TSHZ3: variants seen among roughly 807,000 people sequenced by gnomAD.
The protein encoded by TSHZ3 is teashirt homolog 3.
TSHZ3 carries 10 observed loss-of-function variants against 64.5 expected under a neutral mutation model. The ratio of observed to expected loss-of-function variants is 0.16; its 90% CI spans 0.10 to 0.26. The LOEUF (loss-of-function observed/expected upper bound fraction) is 0.26, where lower values mean the gene tolerates loss of function less well. Among genes scored for constraint, TSHZ3 ranks in the 10% least tolerant of loss-of-function variants. The pLI is 1.00. For synonymous variants in TSHZ3, 608 were observed against 593.1 expected (o/e 1.03, Z -0.36); for missense variants, 1,242 against 1,421.7 (o/e 0.87, Z 2.03).
In TSHZ3 at chr19:31,192,108, A is replaced by G. The variant is rs569894294; in HGVS notation, n.809+12848T>C. The stretch of plus-strand genomic sequence containing the variant: ...CTGAAACAAGTTGAGAATACATAAT[A>G]TAATTCCTAGATCAGCTTCTAAAAT... On this transcript the variant is annotated intron_variant and non_coding_transcript_variant, in intron 5 of 6. Coordinates refer to the TSHZ3 transcript ENST00000651361. 1.4e-3 allele frequency among the ~76,000 whole-genome samples: 213 copies of G among 152,318 alleles called. 1 individual carries two copies. Among genetic ancestry groups the G allele is most frequent in the Non-Finnish European group, 2.4e-3 (160 of 68,024 alleles).
At chr19:31,226,978 T>TTTTTTTTTTTTTC (rs1975473904) in intron 4 of TSHZ3, among the ~76,000 whole-genome samples, 1 of 33,680 alleles carries the variant, frequency 3.0e-5, no homozygotes, top group Non-Finnish European at 6.2e-5. Flanking sequence ...TCTTTCTTTC[T>TTTTTTTTTTTTTC]TTTTTTTTTT....
rs536503836 is a variant in TSHZ3 at position 31,178,290 on chromosome 19, T to C, written n.810-21873A>G. On this transcript the variant is annotated intron_variant and non_coding_transcript_variant, in intron 5 of 6. Transcript: ENST00000651361. ...TGGCTACTGGGACTAGCTGGAGTGA[T>C]AATAGTATTCAGGGCAAATGTCAGT... Among the ~76,000 whole-genome samples, 25 of 152,302 alleles carry C rather than the reference T, an allele frequency of 1.6e-4. 3 individuals are homozygous for C. The highest frequency in any genetic ancestry group is 5.8e-4 in the African/African-American group (24 of 41,566).
chr19:31,160,735 T>TAC (rs748252113), intron 5 of TSHZ3, among the ~76,000 whole-genome samples: 1 of 151,604 alleles, frequency 6.6e-6, no homozygotes, highest in African/African-American at 2.4e-5. Flanking sequence ...CACACACGTA[T>TAC]ACACACACAC....
chr19:31,291,786 CTG>C (rs2145130476), intron 1 of TSHZ3, among the ~76,000 whole-genome samples: 1 of 152,330 alleles, frequency 6.6e-6, no homozygotes, highest in South Asian at 2.1e-4. Context: ...TACACTCACT[CTG>C]TGTGCCCTGG....
intron 6 of TSHZ3, among the ~76,000 whole-genome samples, chr19:31,155,690 C>T (rs566021640): frequency 1.3e-5 from 2 of 152,308 alleles, no homozygotes; most frequent in African/African-American, 2.4e-5. Context: ...CTTTCAGACA[C>T]ACACCCAAGT....
intron 5 of TSHZ3, among the ~76,000 whole-genome samples, chr19:31,185,379 C>G (rs1974789727): frequency 6.6e-6 from 1 of 152,204 alleles, no homozygotes; most frequent in South Asian, 2.1e-4. Flanking sequence ...TTCCTAGCCC[C>G]TTAGGGGAGG....
intron 4 of TSHZ3, among the ~76,000 whole-genome samples, chr19:31,220,856 A>G (rs1303143996): frequency 6.6e-6 from 1 of 152,202 alleles, no homozygotes; most frequent in Non-Finnish European, 1.5e-5. Flanking sequence ...GCACATAGCA[A>G]TATTTATGAC....
intron 5 of TSHZ3, among the ~76,000 whole-genome samples, chr19:31,172,879 C>T (rs1269635857): frequency 6.6e-6 from 1 of 152,110 alleles, no homozygotes; most frequent in East Asian, 1.9e-4. Context: ...CAGAAGTGGG[C>T]CTGACCTGTT....
At position 31,269,261 on chromosome 19, in the gene TSHZ3, A is replaced by G. The variant is rs538562621; in HGVS notation, n.64-26386T>C. 2.6e-5 allele frequency among the ~76,000 whole-genome samples: 4 copies of G among 152,230 alleles called. No homozygotes were observed. In the South Asian group the frequency reaches 6.2e-4, roughly 24 times the overall value. On this transcript the variant is annotated intron_variant and non_coding_transcript_variant, in intron 1 of 6. Transcript: ENST00000651361. ...ATCGACATCCAAACTCCACCAATAT[A>G]CAAAGCAATTTAAATGATACTCATT...
At chr19:31,327,308 T>C (rs78369909) in intron 1 of TSHZ3, among the ~76,000 whole-genome samples, 2,489 of 152,312 alleles carry the variant, frequency 0.016, 67 homozygotes, top group African/African-American at 0.058. Context: ...TCAATTTCCT[T>C]GTGTGTTTTA....
Position 31,225,726 on chromosome 19 carries a change from G to T in TSHZ3, n.686+2279C>A, listed in dbSNP as rs111984889. ...TCCATCAACAGATATCTATTCCTTT[G>T]CTTACAGTTTCCACTAGTCTCCCAG... On this transcript the variant is annotated intron_variant and non_coding_transcript_variant, in intron 4 of 6. Transcript: ENST00000651361. Among the ~76,000 whole-genome samples, 500 of 152,084 alleles carry T rather than the reference G, an allele frequency of 3.3e-3. 8 individuals carry two copies. Among genetic ancestry groups the T allele is most frequent in the African/African-American group, 0.012 (478 of 41,490 alleles).
At chr19:31,306,888 G>A (rs1363524870) in intron 1 of TSHZ3, among the ~76,000 whole-genome samples, 2 of 152,078 alleles carry the variant, frequency 1.3e-5, no homozygotes, top group Admixed American at 1.3e-4. Context: ...TCCAGCATAC[G>A]CCGCAGAATT....
At chr19:31,324,939 T>C (rs1310478861) in intron 1 of TSHZ3, among the ~76,000 whole-genome samples, 1 of 152,210 alleles carries the variant, frequency 6.6e-6, no homozygotes, top group Non-Finnish European at 1.5e-5. Flanking sequence ...CTCAATACGT[T>C]TTACTACAAT....
At chr19:31,189,655 AG>A (rs1974871060) in intron 5 of TSHZ3, among the ~76,000 whole-genome samples, 1 of 151,924 alleles carries the variant, frequency 6.6e-6, no homozygotes, top group South Asian at 2.1e-4. Context: ...TAGTACCACT[AG>A]TTCTATCTTG....
chr19:31,207,066 A>G (rs1304778812), intron 4 of TSHZ3, among the ~76,000 whole-genome samples: 5 of 152,234 alleles, frequency 3.3e-5, no homozygotes, highest in Admixed American at 2.0e-4. Context: ...AATAAAAGTC[A>G]AATCTAAAAC....
intron 1 of TSHZ3, among the ~76,000 whole-genome samples, chr19:31,290,574 C>A (rs1282315338): frequency 6.6e-6 from 1 of 152,138 alleles, no homozygotes; most frequent in Non-Finnish European, 1.5e-5. Context: ...CAGTGGGGAA[C>A]ACAAGTCTTC....
chr19:31,342,782 T>A (rs1463334480), intron 1 of TSHZ3, among the ~76,000 whole-genome samples: 1 of 152,246 alleles, frequency 6.6e-6, no homozygotes, highest in African/African-American at 2.4e-5. Context: ...CTGAATATTG[T>A]GTTTTCCATT....
rs575003642 is a variant in TSHZ3 at position 31,197,113 on chromosome 19, T to C, written n.809+7843A>G. Among the ~76,000 whole-genome samples, 37 of 152,044 alleles carry C rather than the reference T, an allele frequency of 2.4e-4. 1 individual carries two copies. The South Asian group carries it at 7.3e-3, about 30-fold the overall frequency. On this transcript the variant is annotated intron_variant and non_coding_transcript_variant, in intron 5 of 6. Transcript: ENST00000651361. The stretch of plus-strand genomic sequence containing the variant: ...AAAATAGAAATCACACATTGTCTGC[T>C]CTCAGACCACAATGCAATTAAACTA...
rs374895014 is a variant in TSHZ3, at chr19:31,171,368, G to A, written n.810-14951C>T. On this transcript the variant is annotated intron_variant and non_coding_transcript_variant, in intron 5 of 6. Coordinates refer to the TSHZ3 transcript ENST00000651361. ...TTCAGATGATGCAGCCCAGGAGATG[G>A]GAGATGAGTCCCAAATCCATCTTCC... is the stretch of plus-strand genomic sequence containing the variant. 1.4e-3 allele frequency among the ~76,000 whole-genome samples: 207 copies of A among 152,212 alleles called. 5 individuals carry two copies. In the South Asian group the frequency reaches 0.039, roughly 28 times the overall value.
Sources: gnomAD v4.1 joint callset for allele counts (sites outside exome capture counted in the v4.1 genomes callset) on GRCh38, gnomAD v4.1.1 for gene constraint, MANE v1.5 for transcripts, NCBI Gene and HGNC (gene_info 2026-07-23, HGNC 2026-07-21) for gene names.